NUP42: variants seen among roughly 807,000 people sequenced by gnomAD.
The protein encoded by NUP42 is nucleoporin 42.
NUP42 carries 47 observed loss-of-function variants against 35.9 expected under a neutral mutation model. That is an observed-to-expected ratio of 1.31 (90% CI 1.04 to 1.67). The LOEUF (loss-of-function observed/expected upper bound fraction) is 1.67, where lower values mean the gene tolerates loss of function less well. NUP42 is among the 40% of genes most tolerant of loss of function. NUP42 has a pLI of 0.00. For synonymous variants in NUP42, 173 were observed against 173.3 expected (o/e 1.00, Z 0.01); for missense variants, 514 against 492.2 (o/e 1.04, Z -0.42).
rs1637222 is a variant in NUP42 at position 23,191,196 on chromosome 7, C to T, written c.445+4050C>T. Among the ~76,000 whole-genome samples the T allele has an allele frequency of 2.0e-5, 3 of 152,218 alleles. No individual in the cohort carries two copies. In the East Asian group the frequency reaches 5.8e-4, roughly 29 times the overall value. On this transcript the variant is annotated intron_variant, in intron 3 of 6. Coordinates refer to ENST00000258742, the MANE Select transcript of NUP42 (RefSeq NM_007342.3). ...GTAAGGCCAGAGAGATAGCCAGGGG[C>T]CAGATCATGTTGGGCCTAATTGCAC...
rs1258380890 is a variant in NUP42 at position 23,196,639 on chromosome 7, A to T, written c.523-41A>T. 3 of 1,356,498 alleles carry T rather than the reference A, an allele frequency of 2.2e-6. 1 individual carries two copies. Among genetic ancestry groups the T allele is most frequent in the Middle Eastern group, 3.8e-4 (2 of 5,226 alleles). 84.0% of individuals were successfully genotyped at this position (1,356,498 alleles called of 1,614,324 possible). A position where few individuals can be genotyped will look rare whatever the true frequency, so the allele number is the denominator to read the frequency against. ...TTTTATTGAAGAAACTAACTTAAAC[A>T]TACAATATTGAACTGTTATTTTTCT... On this transcript the variant is annotated intron_variant, in intron 4 of 6. Transcript: ENST00000258742.
chr7:23,187,944 C>T, intron 3 of NUP42: 6 of 295,018 alleles, frequency 2.0e-5, no homozygotes, highest in Non-Finnish European at 2.0e-5. Flanking sequence ...CTGTCTCTCT[C>T]TCTCTCTCTG....
chr7:23,194,762 C>T (rs1785952517), intron 3 of NUP42: 1 of 170,320 alleles, frequency 5.9e-6, no homozygotes, highest in South Asian at 1.1e-4. Context: ...AGTCTTGGCT[C>T]ACTGCAACCT....
rs757859918 is a variant in NUP42, at chr7:23,182,070, C to T, written c.-16C>T. 1.2e-6 allele frequency: 2 copies of T among 1,613,296 alleles called. No homozygotes were observed. The highest frequency in any genetic ancestry group is 1.1e-5 in the South Asian group (1 of 91,078). ...GGTGCAGACTGAAGACGCCCTCCGT[C>T]AGCGACGCCGTCGCAATGGCCATTT... On this transcript the variant is annotated 5_prime_UTR_variant, in exon 1 of 7. Transcript: ENST00000258742.
rs1308918763 is a variant in NUP42 at position 23,200,770 on chromosome 7, G to C, written c.*25G>C. The C allele has an allele frequency of 6.8e-7, 1 of 1,468,600 alleles. No individual in the cohort carries two copies. Among genetic ancestry groups the C allele is most frequent in the Non-Finnish European group, 9.2e-7 (1 of 1,092,628 alleles). 91.0% of individuals were successfully genotyped at this position (1,468,600 alleles called of 1,614,324 possible). On this transcript the variant is annotated 3_prime_UTR_variant, in exon 7 of 7. Transcript: ENST00000258742. Reference sequence around the variant, plus strand: ...AAAGGGCAATTTTAAATACAAAAAAGAATGATGTTTAAAATTGCTTTGAGT... The same window carrying C: ...AAAGGGCAATTTTAAATACAAAAAACAATGATGTTTAAAATTGCTTTGAGT...
chr7:23,187,265 A>G (rs1204188014), intron 3 of NUP42, 119 bp downstream of exon 3: 2 of 669,228 alleles, frequency 3.0e-6, no homozygotes, highest in African/African-American at 3.6e-5. Flanking sequence ...GAGTTTGGGC[A>G]TTGTTTAAAG....
At chr7:23,198,970 C>T (rs1786111616) in intron 5 of NUP42, among the ~76,000 whole-genome samples, 1 of 152,160 alleles carries the variant, frequency 6.6e-6, no homozygotes, top group African/African-American at 2.4e-5. Flanking sequence ...TCACTGTTAA[C>T]TTACTAATGT....
chr7:23,190,394 A>G (rs929322147), intron 3 of NUP42, among the ~76,000 whole-genome samples: 6 of 152,282 alleles, frequency 3.9e-5, no homozygotes, highest in Non-Finnish European at 2.9e-5. Flanking sequence ...CTAAATTTTC[A>G]TTTTTTGTTT....
intron 3 of NUP42, among the ~76,000 whole-genome samples, chr7:23,194,092 G>A (rs1389868441): frequency 1.3e-5 from 2 of 152,172 alleles, no homozygotes; most frequent in African/African-American, 2.4e-5. Flanking sequence ...AGCTCTGGTT[G>A]CCACTCGCGC....
intron 3 of NUP42, among the ~76,000 whole-genome samples, chr7:23,192,216 C>T (rs369716733): frequency 2.6e-5 from 4 of 152,010 alleles, no homozygotes; most frequent in South Asian, 2.1e-4. Context: ...AGCTTAACTA[C>T]TAATAACGTA....
chr7:23,193,781 G>T (rs1350289900), intron 3 of NUP42, among the ~76,000 whole-genome samples: 1 of 152,230 alleles, frequency 6.6e-6, no homozygotes, highest in Non-Finnish European at 1.5e-5. Context: ...GTGGAGCAGG[G>T]GGTGGCGCTC....
chr7:23,187,942 C>CTG, intron 3 of NUP42: 3 of 288,084 alleles, frequency 1.0e-5, no homozygotes, highest in East Asian at 8.4e-5. Context: ...CTCTGTCTCT[C>CTG]TCTCTCTCTC....
chr7:23,199,694 T>C (rs1179174436), intron 6 of NUP42, 152 bp downstream of exon 6: 4 of 683,820 alleles, frequency 5.8e-6, no homozygotes, highest in Non-Finnish European at 1.0e-5. Context: ...TCATTAGACA[T>C]TTGTGAAAGG....
intron 1 of NUP42, among the ~76,000 whole-genome samples, chr7:23,183,754 T>TAAAAAAAAAAAAAAAAAAAAAAAAAAA: frequency 1.2e-5 from 1 of 82,062 alleles, no homozygotes; most frequent in Non-Finnish European, 2.6e-5. Context: ...AAAAGCAATG[T>TAAAAAAAAAAAAAAAAAAAAAAAAAAA]AAAAAAAAAA....
chr7:23,195,468 A>G (rs1053185647), intron 3 of NUP42: 8 of 164,550 alleles, frequency 4.9e-5, no homozygotes, highest in South Asian at 1.7e-4. Context: ...CTCTTGTCAT[A>G]TATGTTAAAA....
chr7:23,190,857 A>G lies in NUP42; in HGVS notation c.445+3711A>G, dbSNP rs555267263. Among the ~76,000 whole-genome samples the G allele has an allele frequency of 2.6e-5, 4 of 152,372 alleles. No homozygotes were observed. The South Asian group carries it at 6.2e-4, about 24-fold the overall frequency. On this transcript the variant is annotated intron_variant, in intron 3 of 6. Coordinates refer to ENST00000258742, the MANE Select transcript of NUP42 (RefSeq NM_007342.3). ...TGCCCCATTTTGCAAGACTTGAGAAAATTATCACTCAAATCATTTTCTGTG... is the reference window on the plus strand; with the variant it reads ...TGCCCCATTTTGCAAGACTTGAGAAGATTATCACTCAAATCATTTTCTGTG...
intron 3 of NUP42, among the ~76,000 whole-genome samples, chr7:23,193,648 C>T (rs1212757469): frequency 6.6e-6 from 1 of 152,228 alleles, no homozygotes; most frequent in East Asian, 1.9e-4. Context: ...CCACCAGACT[C>T]AGGAGCCCAG....
intron 3 of NUP42, among the ~76,000 whole-genome samples, chr7:23,192,558 A>AG (rs1260910333): frequency 1.3e-5 from 2 of 151,708 alleles, no homozygotes; most frequent in African/African-American, 4.8e-5. Context: ...AAAAAAAAAA[A>AG]AAAAAGAAAA....
intron 3 of NUP42, among the ~76,000 whole-genome samples, chr7:23,189,678 C>T (rs975336415): frequency 6.6e-6 from 1 of 151,112 alleles, no homozygotes; most frequent in African/African-American, 2.4e-5. Flanking sequence ...TTTGGGAGGC[C>T]GAGGTGGGTG....
Sources: allele counts gnomAD v4.1 joint callset (sites outside exome capture counted in the v4.1 genomes callset), GRCh38; gene constraint gnomAD v4.1.1; transcripts MANE v1.5; gene names NCBI Gene and HGNC (gene_info 2026-07-23, HGNC 2026-07-21).